GPC5: variants seen among roughly 807,000 people sequenced by gnomAD.
GPC5 encodes glypican-5.
In GPC5, 47 loss-of-function variants were observed where a neutral mutation model predicts 53.9. That is an observed-to-expected ratio of 0.87 (90% CI 0.69 to 1.11). The LOEUF is 1.11. GPC5 is among the 50% of genes most tolerant of loss of function. The probability of loss-of-function intolerance (pLI) is 0.00; values close to 1 mark genes in which losing one functional copy is unlikely to be tolerated. For synonymous variants in GPC5, 286 were observed against 263.3 expected, an observed-to-expected ratio of 1.09 and a Z score of -0.84; for missense variants, 748 against 713.1, an observed-to-expected ratio of 1.05 and a Z score of -0.56.
In GPC5 at chr13:91,432,765, ATTG is replaced by A. The variant is rs532875658; in HGVS notation, c.164-15993_164-15991del. Reference sequence around the variant, plus strand: ...ACAAATCTCTAAATTACAGCAGTATATTGTTAAGGAAAAATATTTGTAAAAATA... The same window carrying A: ...ACAAATCTCTAAATTACAGCAGTATATTAAGGAAAAATATTTGTAAAAATA... On this transcript the variant is annotated intron_variant, in intron 1 of 7. Coordinates refer to ENST00000377067, the MANE Select transcript of GPC5 (RefSeq NM_004466.6). Among the ~76,000 whole-genome samples the A allele has an allele frequency of 2.4e-4, 36 of 152,334 alleles. No homozygotes were observed. The East Asian group carries it at 6.6e-3, about 28-fold the overall frequency.
At chr13:91,444,615 T>C (rs1270181785) in intron 1 of GPC5, among the ~76,000 whole-genome samples, 2 of 152,196 alleles carry the variant, frequency 1.3e-5, no homozygotes, top group African/African-American at 4.8e-5. Flanking sequence ...TTTTCTGGAT[T>C]TATTTTCCTT....
At position 92,587,500 on chromosome 13, in the gene GPC5, C is replaced by A. The variant is rs144221534; in HGVS notation, c.1562-278782C>A. Among the ~76,000 whole-genome samples the A allele has an allele frequency of 5.7e-3, 857 of 149,456 alleles. 6 individuals carry two copies. Among genetic ancestry groups the A allele is most frequent in the African/African-American group, 0.02 (815 of 41,008 alleles). On this transcript the variant is annotated intron_variant, in intron 7 of 7. Coordinates refer to ENST00000377067, the MANE Select transcript of GPC5 (RefSeq NM_004466.6). ...TTTATTATACCACCCCATTGTCTAA[C>A]AGGCAATATTTTGTTAAAACAGAAT...
In GPC5 at chr13:91,421,388, A is replaced by G. The variant is rs1437743049; in HGVS notation, c.163+22179A>G. Among the ~76,000 whole-genome samples, 8 of 152,178 alleles carry G rather than the reference A, an allele frequency of 5.3e-5. No homozygotes were observed. In the East Asian group the frequency reaches 1.3e-3, roughly 26 times the overall value. ...AAAAGAGCACATTTTTATAATTAGG[A>G]TAATAATTGTATCCTAATTATTATT... On this transcript the variant is annotated intron_variant, in intron 1 of 7. Coordinates refer to ENST00000377067, the MANE Select transcript of GPC5 (RefSeq NM_004466.6).
chr13:92,716,373 T>C (rs1230940640), intron 7 of GPC5, among the ~76,000 whole-genome samples: 3 of 152,032 alleles, frequency 2.0e-5, no homozygotes, highest in Admixed American at 2.0e-4. Flanking sequence ...CTCTGCTTGT[T>C]TGCCTTGCTA....
intron 2 of GPC5, among the ~76,000 whole-genome samples, chr13:91,653,282 T>G (rs2034762317): frequency 6.6e-6 from 1 of 152,110 alleles, no homozygotes; most frequent in Admixed American, 6.5e-5. Flanking sequence ...AATAAACCCT[T>G]ATAAGATTAT....
intron 7 of GPC5, among the ~76,000 whole-genome samples, chr13:92,522,380 A>G (rs565626221): frequency 6.6e-6 from 1 of 152,328 alleles, no homozygotes; most frequent in South Asian, 2.1e-4. Flanking sequence ...AATGTCCATC[A>G]ATAATAGACT....
chr13:92,572,706 T>A (rs1883068953), intron 7 of GPC5, among the ~76,000 whole-genome samples: 1 of 152,216 alleles, frequency 6.6e-6, no homozygotes, highest in Non-Finnish European at 1.5e-5. Flanking sequence ...CAAGTTGTTC[T>A]TCCTCAATAT....
intron 6 of GPC5, among the ~76,000 whole-genome samples, chr13:91,922,373 C>T (rs1437330115): frequency 6.6e-6 from 1 of 152,106 alleles, no homozygotes; most frequent in African/African-American, 2.4e-5. Context: ...GGTCTTCCAT[C>T]TTTACAGCCT....
chr13:91,685,810 A>G (rs2035609480), intron 2 of GPC5, among the ~76,000 whole-genome samples: 1 of 152,122 alleles, frequency 6.6e-6, no homozygotes, highest in Non-Finnish European at 1.5e-5. Context: ...AAAAATATAG[A>G]ACATCTCATT....
At chr13:92,692,828 G>T (rs1250312198) in intron 7 of GPC5, among the ~76,000 whole-genome samples, 1 of 137,630 alleles carries the variant, frequency 7.3e-6, no homozygotes, top group African/African-American at 2.8e-5. Flanking sequence ...ACTGTGGTTT[G>T]GATTTGCATT....
intron 6 of GPC5, among the ~76,000 whole-genome samples, chr13:92,131,215 C>G (rs2041740350): frequency 6.6e-6 from 1 of 151,918 alleles, no homozygotes; most frequent in Admixed American, 6.6e-5. Context: ...ATAACTACCA[C>G]TCTTATAGAC....
At chr13:92,622,245 G>T (rs1299000695) in intron 7 of GPC5, among the ~76,000 whole-genome samples, 1 of 152,200 alleles carries the variant, frequency 6.6e-6, no homozygotes, top group East Asian at 1.9e-4. Context: ...TGAAGACCCA[G>T]CTCCTCCTGG....
intron 6 of GPC5, among the ~76,000 whole-genome samples, chr13:92,008,250 G>T (rs1241537539): frequency 2.0e-5 from 3 of 152,000 alleles, no homozygotes; most frequent in African/African-American, 7.2e-5. Context: ...TTTTAGTAGA[G>T]ACGGGGTTTC....
chr13:92,607,170 A>T (rs966030782), intron 7 of GPC5, among the ~76,000 whole-genome samples: 5 of 152,164 alleles, frequency 3.3e-5, no homozygotes, highest in Non-Finnish European at 7.4e-5. Flanking sequence ...ATCTAATAAG[A>T]TTTGGTAAAA....
chr13:92,324,662 C>T (rs2043238448), intron 7 of GPC5, among the ~76,000 whole-genome samples: 1 of 141,240 alleles, frequency 7.1e-6, no homozygotes, highest in Non-Finnish European at 1.5e-5. Flanking sequence ...ATCATTGGTA[C>T]AGCATATCAT....
chr13:91,440,203 C>T (rs1880318250), intron 1 of GPC5, among the ~76,000 whole-genome samples: 1 of 152,168 alleles, frequency 6.6e-6, no homozygotes. Context: ...CTTCTTGCCT[C>T]TGGGACTCCA....
chr13:92,472,789 G>A (rs369490246), intron 7 of GPC5, among the ~76,000 whole-genome samples: 3 of 152,182 alleles, frequency 2.0e-5, no homozygotes, highest in East Asian at 3.9e-4. Context: ...GAAATGTTAT[G>A]TCTGAGGGTT....
At chr13:91,684,257 A>G (rs1286761559) in intron 2 of GPC5, among the ~76,000 whole-genome samples, 3 of 152,128 alleles carry the variant, frequency 2.0e-5, no homozygotes, top group African/African-American at 7.2e-5. Flanking sequence ...TTTATTCTCC[A>G]TAACAGTCAC....
intron 7 of GPC5, among the ~76,000 whole-genome samples, chr13:92,250,210 T>G (rs769304614): frequency 1.5e-4 from 23 of 152,144 alleles, no homozygotes; most frequent in Admixed American, 5.9e-4. Flanking sequence ...TCTGTGTGTG[T>G]GCATGCACCA....
Sources: gnomAD v4.1 joint callset for allele counts (sites outside exome capture counted in the v4.1 genomes callset) on GRCh38, gnomAD v4.1.1 for gene constraint, MANE v1.5 for transcripts, NCBI Gene and HGNC (gene_info 2026-07-23, HGNC 2026-07-21) for gene names.